PTCHD4: variants seen among roughly 807,000 people sequenced by gnomAD.
PTCHD4 encodes the protein patched domain containing 4.
In PTCHD4, 33 loss-of-function variants were observed where a neutral mutation model predicts 58.1. The ratio of observed to expected loss-of-function variants is 0.57; its 90% confidence interval spans 0.43 to 0.76. The LOEUF (loss-of-function observed/expected upper bound fraction) is 0.76. Among genes scored for constraint, PTCHD4 ranks in the 30% least tolerant of loss-of-function variants. PTCHD4 has a pLI of 0.00. For missense variants in PTCHD4, 1,058 were observed against 1,027.1 expected, an observed-to-expected ratio of 1.03 and a Z score of -0.41; for synonymous variants, 478 against 409.6, an observed-to-expected ratio of 1.17 and a Z score of -2.02.
intron 3 of PTCHD4, among the ~76,000 whole-genome samples, chr6:48,011,843 T>G (rs1762686345): frequency 1.3e-5 from 2 of 152,182 alleles, no homozygotes; most frequent in African/African-American, 4.8e-5. Context: ...TTTTCTCCAT[T>G]GCTTGTTTTT....
At chr6:47,907,179 G>A (rs1764915936) in intron 4 of PTCHD4, among the ~76,000 whole-genome samples, 1 of 152,182 alleles carries the variant, frequency 6.6e-6, no homozygotes, top group Non-Finnish European at 1.5e-5. Context: ...TCGGAACAGA[G>A]AAAACTTTTC....
At chr6:47,897,964 T>G (rs1442337792) in intron 4 of PTCHD4, among the ~76,000 whole-genome samples, 31 of 112,984 alleles carry the variant, frequency 2.7e-4, no homozygotes, top group Non-Finnish European at 4.7e-4. Flanking sequence ...TTTTTTTTTT[T>G]GAGACAGAGT....
chr6:48,046,416 A>T (rs1044832260), intron 3 of PTCHD4, among the ~76,000 whole-genome samples: 6 of 151,848 alleles, frequency 4.0e-5, no homozygotes, highest in African/African-American at 1.4e-4. Context: ...ATAGAATTAG[A>T]AGTGTCAGTT....
Position 48,098,482 on chromosome 6 carries a change from G to A in PTCHD4, c.-970+12567C>T, listed in dbSNP as rs1002654375. The stretch of plus-strand genomic sequence containing the variant: ...GCCTCCTGAGTAGCTGGGATTACAG[G>A]TGCTCACCACCATGCCTGGCTAATT... On this transcript the variant is annotated intron_variant, in intron 1 of 4. Coordinates refer to ENST00000339488, the MANE Select transcript of PTCHD4 (RefSeq NM_001384253.1). Among the ~76,000 whole-genome samples the A allele has an allele frequency of 2.0e-5, 3 of 152,072 alleles. No homozygotes were observed. In the South Asian group the frequency reaches 6.2e-4, roughly 32 times the overall value.
At chr6:48,049,253 C>T (rs1268048163) in intron 3 of PTCHD4, among the ~76,000 whole-genome samples, 1 of 151,750 alleles carries the variant, frequency 6.6e-6, no homozygotes, top group African/African-American at 2.4e-5. Flanking sequence ...TCCCACAATG[C>T]ACAGGGCAAT....
At chr6:47,977,718 TA>T (rs758952914) in intron 4 of PTCHD4, among the ~76,000 whole-genome samples, 6 of 112,028 alleles carry the variant, frequency 5.4e-5, no homozygotes, top group Non-Finnish European at 8.9e-5. Context: ...ATTTATAAAA[TA>T]ATTAAAGTAT....
chr6:47,961,994 A>G (rs529722986), intron 4 of PTCHD4, among the ~76,000 whole-genome samples: 7 of 152,262 alleles, frequency 4.6e-5, no homozygotes, highest in African/African-American at 1.7e-4. Flanking sequence ...CTTTGAGAAG[A>G]CAGAAAAAAA....
intron 4 of PTCHD4, among the ~76,000 whole-genome samples, chr6:47,938,958 A>G (rs1005126281): frequency 6.6e-6 from 1 of 152,112 alleles, no homozygotes; most frequent in Non-Finnish European, 1.5e-5. Flanking sequence ...GTGGAAAGGG[A>G]GTTCAGGGTA....
At chr6:47,886,507 G>A (rs1478713954) in intron 4 of PTCHD4, among the ~76,000 whole-genome samples, 1 of 152,022 alleles carries the variant, frequency 6.6e-6, no homozygotes, top group Non-Finnish European at 1.5e-5. Context: ...TCCTTTTTAT[G>A]ACCTGTTCCA....
intron 1 of PTCHD4, among the ~76,000 whole-genome samples, chr6:48,070,846 G>T (rs1288795773): frequency 6.6e-6 from 1 of 152,076 alleles, no homozygotes; most frequent in African/African-American, 2.4e-5. Context: ...GAAAGTTTTG[G>T]CTATACAGCA....
chr6:48,010,842 G>T (rs1429635437), intron 3 of PTCHD4, among the ~76,000 whole-genome samples: 1 of 152,094 alleles, frequency 6.6e-6, no homozygotes, highest in African/African-American at 2.4e-5. Flanking sequence ...GTGAGTGTTT[G>T]GTTTTCTGTT....
At chr6:47,925,484 G>T (rs1332746510) in intron 4 of PTCHD4, among the ~76,000 whole-genome samples, 1 of 152,146 alleles carries the variant, frequency 6.6e-6, no homozygotes, top group Admixed American at 6.5e-5. Context: ...GACCATAAAA[G>T]TTCTTCTCTC....
chr6:48,048,950 G>A (rs564164026), intron 3 of PTCHD4, among the ~76,000 whole-genome samples: 32 of 151,898 alleles, frequency 2.1e-4, no homozygotes, highest in Middle Eastern at 3.2e-3. Context: ...CTTTTGACAT[G>A]GAAGGCACAC....
intron 4 of PTCHD4, among the ~76,000 whole-genome samples, chr6:47,930,290 C>T (rs1374095778): frequency 3.3e-5 from 5 of 152,136 alleles, no homozygotes; most frequent in South Asian, 2.1e-4. Flanking sequence ...TCCAAAGATT[C>T]ATTCTAAATA....
At chr6:48,095,383 CT>C (rs1376481094) in intron 1 of PTCHD4, among the ~76,000 whole-genome samples, 1 of 152,074 alleles carries the variant, frequency 6.6e-6, no homozygotes, top group Non-Finnish European at 1.5e-5. Context: ...TAGTGATCTT[CT>C]TTTAAAAAAG....
intron 4 of PTCHD4, among the ~76,000 whole-genome samples, chr6:47,912,998 T>C (rs1765117697): frequency 6.6e-6 from 1 of 152,148 alleles, no homozygotes; most frequent in Non-Finnish European, 1.5e-5. Flanking sequence ...TCTTAGACAG[T>C]CATCTCTAGT....
intron 1 of PTCHD4, among the ~76,000 whole-genome samples, chr6:48,076,480 A>G (rs1765066192): frequency 6.6e-6 from 1 of 152,214 alleles, no homozygotes; most frequent in African/African-American, 2.4e-5. Flanking sequence ...ATCAGTATCT[A>G]TGGCAGCTAA....
intron 4 of PTCHD4, among the ~76,000 whole-genome samples, chr6:47,897,427 A>G (rs1764559385): frequency 6.6e-6 from 1 of 152,174 alleles, no homozygotes; most frequent in African/African-American, 2.4e-5. Flanking sequence ...CTTGTTTTGT[A>G]AAAGGATACC....
chr6:48,002,823 T>C (rs1467964835), intron 4 of PTCHD4, among the ~76,000 whole-genome samples: 1 of 152,044 alleles, frequency 6.6e-6, no homozygotes, highest in Non-Finnish European at 1.5e-5. Flanking sequence ...CCAATCTGTA[T>C]TGAATCTCTT....
Sources: gnomAD v4.1 joint callset for allele counts (sites outside exome capture counted in the v4.1 genomes callset) on GRCh38, gnomAD v4.1.1 for gene constraint, MANE v1.5 for transcripts, NCBI Gene and HGNC (gene_info 2026-07-23, HGNC 2026-07-21) for gene names.